Variants in ANKRD13C observed in about 807,000 individuals in gnomAD.
ANKRD13C encodes the protein ankyrin repeat domain-containing protein 13C.
A neutral mutation model predicts 65.5 loss-of-function variants in ANKRD13C; 16 were observed. That is an observed-to-expected ratio of 0.24 (90% CI 0.17 to 0.37). ANKRD13C has a LOEUF of 0.37. ANKRD13C is among the 10% of genes least tolerant of loss of function. The pLI is 1.00. For missense variants in ANKRD13C, 503 were observed against 655.9 expected (o/e 0.77, Z 2.55); for synonymous variants, 235 against 238.7 (o/e 0.98, Z 0.14).
rs1679639286 is a variant in ANKRD13C at position 70,286,762 on chromosome 1, G to A, written c.1215+5626C>T. Reference sequence around the variant, plus strand: ...GCACTTTAGGAGGTCGAGGCAGGCAGATGACCTGAGGTCAGGAGTTCTAGA... The same window carrying A: ...GCACTTTAGGAGGTCGAGGCAGGCAAATGACCTGAGGTCAGGAGTTCTAGA... On this transcript the variant is annotated intron_variant, in intron 9 of 12. Transcript: ENST00000370944. 2.0e-5 allele frequency among the ~76,000 whole-genome samples: 3 copies of A among 152,332 alleles called. No individual in the cohort carries two copies. In the South Asian group the frequency reaches 6.2e-4, roughly 32 times the overall value.
chr1:70,315,450 G>C, intron 4 of ANKRD13C, 31 bp downstream of exon 4: 2 of 1,551,032 alleles, frequency 1.3e-6, no homozygotes, highest in Non-Finnish European at 1.8e-6. Context: ...TTACTTCCAA[G>C]GTGCAAAATT....
At chr1:70,337,794 T>C (rs189056492) in intron 1 of ANKRD13C, among the ~76,000 whole-genome samples, 2 of 152,022 alleles carry the variant, frequency 1.3e-5, no homozygotes, top group East Asian at 1.9e-4. Context: ...AATATGAAAA[T>C]ATGCAATGAA....
rs1482458235 is a variant in ANKRD13C, at chr1:70,259,433, A to C, written c.*3284T>G. On this transcript the variant is annotated 3_prime_UTR_variant, in exon 13 of 13. Coordinates refer to ENST00000370944, the MANE Select transcript of ANKRD13C (RefSeq NM_030816.5). ...TGTACCATAGGTACCATTATGACTGAAAGTATTACTCTTCTAAAATGAACT... is the reference window on the plus strand; with the variant it reads ...TGTACCATAGGTACCATTATGACTGCAAGTATTACTCTTCTAAAATGAACT... 6.6e-6 allele frequency among the ~76,000 whole-genome samples: 1 copy of C among 152,160 alleles called. No individual in the cohort carries two copies. Among genetic ancestry groups the C allele is most frequent in the Admixed American group, 6.5e-5 (1 of 15,276 alleles).
intron 10 of ANKRD13C, 81 bp downstream of exon 10, chr1:70,276,684 C>T (rs184410062): frequency 2.8e-4 from 306 of 1,112,598 alleles, no homozygotes; most frequent in South Asian, 4.5e-4. Flanking sequence ...AAATAATTTA[C>T]GCCAAAATAT....
Position 70,354,426 on chromosome 1 carries a change from A to C in ANKRD13C, c.-18T>G. On this transcript the variant is annotated 5_prime_UTR_variant, in exon 1 of 13. Transcript: ENST00000370944. The stretch of plus-strand genomic sequence containing the variant: ...CCGGTCATCGCCGCCGCCAGGGGCA[A>C]GGGGGGGAATCGGGAGGCTCACCGC... 2 of 1,604,666 alleles carry C rather than the reference A, an allele frequency of 1.2e-6. No individual in the cohort carries two copies. The highest frequency in any genetic ancestry group is 1.7e-6 in the Non-Finnish European group (2 of 1,174,868).
intron 9 of ANKRD13C, among the ~76,000 whole-genome samples, chr1:70,290,899 A>G (rs1216478732): frequency 1.3e-5 from 2 of 151,216 alleles, no homozygotes; most frequent in African/African-American, 4.9e-5. Context: ...AGTATTGCCA[A>G]CAACTGAGGG....
chr1:70,315,610 T>C (rs373789750), intron 3 of ANKRD13C, 44 bp from the exon 4 acceptor site: 2 of 1,510,514 alleles, frequency 1.3e-6, no homozygotes, highest in African/African-American at 1.4e-5. Flanking sequence ...ATTTTCATCA[T>C]GCAGTAAAAA....
chr1:70,316,740 A>T (rs1210755574), intron 3 of ANKRD13C, among the ~76,000 whole-genome samples: 1 of 152,150 alleles, frequency 6.6e-6, no homozygotes, highest in African/African-American at 2.4e-5. Flanking sequence ...ATTCACTGGC[A>T]AAATCAATCA....
At chr1:70,301,038 A>G (rs1331507914) in intron 6 of ANKRD13C, 130 bp from the exon 7 acceptor site, 1 of 844,340 alleles carries the variant, frequency 1.2e-6, no homozygotes, top group Non-Finnish European at 1.7e-6. Flanking sequence ...TCAAATTTAT[A>G]GATAAAAACA....
At chr1:70,327,126 C>T (rs992981785) in intron 2 of ANKRD13C, among the ~76,000 whole-genome samples, 2 of 152,072 alleles carry the variant, frequency 1.3e-5, no homozygotes, top group African/African-American at 4.8e-5. Flanking sequence ...AGAATATTTA[C>T]TAATAACAAA....
At chr1:70,270,342 T>C (rs1678824011) in intron 12 of ANKRD13C, among the ~76,000 whole-genome samples, 1 of 152,244 alleles carries the variant, frequency 6.6e-6, no homozygotes, top group African/African-American at 2.4e-5. Flanking sequence ...AGAATTCTCA[T>C]CAGGCACTTT....
chr1:70,335,364 C>A (rs925364062), intron 2 of ANKRD13C, among the ~76,000 whole-genome samples: 13 of 151,212 alleles, frequency 8.6e-5, no homozygotes, highest in African/African-American at 2.4e-4. Flanking sequence ...TAAGACTGCA[C>A]CACTGTACTC....
rs1210278436 is a variant in ANKRD13C at position 70,262,327 on chromosome 1, A to G, written c.*390T>C. The G allele has an allele frequency of 1.3e-5, 2 of 152,898 alleles. No homozygotes were observed. Among genetic ancestry groups the G allele is most frequent in the African/African-American group, 4.8e-5 (2 of 41,470 alleles). 9.5% of individuals were successfully genotyped at this position (152,898 alleles called of 1,614,324 possible). A position where few individuals can be genotyped will look rare whatever the true frequency, so the allele number is the denominator to read the frequency against. On this transcript the variant is annotated 3_prime_UTR_variant, in exon 13 of 13. Transcript: ENST00000370944. ...GGCTCCATATCTCTTAAGACATTTAATTTACGTTAATGGTCCAGGAGTGTT... is the reference window on the plus strand; with the variant it reads ...GGCTCCATATCTCTTAAGACATTTAGTTTACGTTAATGGTCCAGGAGTGTT...
At chr1:70,284,082 A>AG (rs767825041) in intron 9 of ANKRD13C, among the ~76,000 whole-genome samples, 1 of 152,160 alleles carries the variant, frequency 6.6e-6, no homozygotes, top group Non-Finnish European at 1.5e-5. Context: ...GGGAAGGAAG[A>AG]GAAAAAAAAG....
At chr1:70,348,391 G>A (rs1262629086) in intron 1 of ANKRD13C, among the ~76,000 whole-genome samples, 1 of 151,790 alleles carries the variant, frequency 6.6e-6, no homozygotes, top group Non-Finnish European at 1.5e-5. Context: ...TCAGCCTCCC[G>A]AGTAGCTAGG....
intron 7 of ANKRD13C, among the ~76,000 whole-genome samples, chr1:70,300,137 G>A (rs1421813896): frequency 1.3e-5 from 2 of 152,058 alleles, no homozygotes; most frequent in African/African-American, 4.8e-5. Context: ...AAGATAAAAA[G>A]ATAATACATG....
chr1:70,271,395 C>T (rs1678873169), intron 11 of ANKRD13C, among the ~76,000 whole-genome samples: 1 of 152,132 alleles, frequency 6.6e-6, no homozygotes, highest in Non-Finnish European at 1.5e-5. Context: ...TTCATAATAT[C>T]TCTTAGCATT....
intron 1 of ANKRD13C, among the ~76,000 whole-genome samples, chr1:70,351,590 G>T (rs1190623326): frequency 6.6e-6 from 1 of 152,012 alleles, no homozygotes; most frequent in Non-Finnish European, 1.5e-5. Context: ...AGTAGAGACG[G>T]GGTTTCACTA....
chr1:70,316,117 T>C (rs1048333917), intron 3 of ANKRD13C, among the ~76,000 whole-genome samples: 5 of 152,186 alleles, frequency 3.3e-5, no homozygotes, highest in African/African-American at 1.2e-4. Flanking sequence ...TGTTACCAGG[T>C]GTTATCTGTT....
Sources: gnomAD v4.1 joint callset for allele counts (sites outside exome capture counted in the v4.1 genomes callset) on GRCh38, gnomAD v4.1.1 for gene constraint, MANE v1.5 for transcripts, NCBI Gene and HGNC (gene_info 2026-07-23, HGNC 2026-07-21) for gene names.